The following ENOX2 variants were observed in gnomAD, a reference collection of about 807,000 sequenced individuals.
ENOX2 encodes the protein ecto-NOX disulfide-thiol exchanger 2.
Under a neutral mutation model 45.0 loss-of-function variants are expected in ENOX2, and 36 were observed. That is an observed-to-expected ratio of 0.80 (90% CI 0.61 to 1.06). The LOEUF is 1.06. Ranked by LOEUF, ENOX2 falls within the 50% of genes least tolerant of loss-of-function variation. The pLI is 0.00. For missense variants in ENOX2, 423 were observed against 462.5 expected (o/e 0.91, Z 0.78); for synonymous variants, 174 against 152.3 (o/e 1.14, Z -1.05).
intron 2 of ENOX2, among the ~76,000 whole-genome samples, chrX:130,809,527 C>A (rs1312022188): frequency 9.0e-6 from 1 of 111,460 alleles, no homozygotes; most frequent in Non-Finnish European, 1.9e-5. Flanking sequence ...TTATTCTCCC[C>A]AAAGTAAGCT....
intron 5 of ENOX2, among the ~76,000 whole-genome samples, chrX:130,687,974 A>C (rs2037490554): frequency 8.9e-6 from 1 of 112,050 alleles, no homozygotes; most frequent in South Asian, 3.7e-4. Context: ...TATCCTGATA[A>C]GGCAAGGTCA....
intron 3 of ENOX2, among the ~76,000 whole-genome samples, chrX:130,725,503 G>A (rs963544446): frequency 9.2e-6 from 1 of 108,718 alleles, no homozygotes; most frequent in African/African-American, 3.4e-5. Flanking sequence ...TCCCATATCC[G>A]GGTCCCTGGG....
At position 130,676,948 on chromosome X, in the gene ENOX2, C is replaced by G. The variant is rs192440565; in HGVS notation, c.460+2594G>C. ...TATTACCTGAGGAGTAAAGACCCAA[C>G]TGTTAAGCCTTTTGGAGTGTGCTAA... On this transcript the variant is annotated intron_variant, in intron 6 of 14. Transcript: ENST00000394363. Among the ~76,000 whole-genome samples, 265 of 111,956 alleles carry G rather than the reference C, an allele frequency of 2.4e-3. 2 individuals carry two copies. The highest frequency in any genetic ancestry group is 3.5e-3 in the Non-Finnish European group (187 of 53,174).
chrX:130,700,316 T>G (rs5977351), intron 4 of ENOX2, among the ~76,000 whole-genome samples: 8,968 of 112,197 alleles, frequency 0.08, 840 homozygotes, highest in African/African-American at 0.27. Context: ...GGGAACTATT[T>G]AACTAATACC....
intron 2 of ENOX2, among the ~76,000 whole-genome samples, chrX:130,863,683 T>G (rs889882999): frequency 2.5e-4 from 28 of 112,416 alleles, no homozygotes; most frequent in Non-Finnish European, 7.5e-5. Flanking sequence ...AAATTACCAT[T>G]CTACAAAAAT....
intron 2 of ENOX2, among the ~76,000 whole-genome samples, chrX:130,831,534 C>A (rs1255164695): frequency 9.0e-6 from 1 of 111,081 alleles, no homozygotes; most frequent in Admixed American, 9.6e-5. Context: ...CGCAATACAA[C>A]CACTCATCTC....
At chrX:130,643,859 A>G (rs937413373) in intron 10 of ENOX2, among the ~76,000 whole-genome samples, 5 of 112,065 alleles carry the variant, frequency 4.5e-5, no homozygotes, top group Non-Finnish European at 9.4e-5. Context: ...TGTATAGACT[A>G]TTTCATCTAA....
intron 10 of ENOX2, among the ~76,000 whole-genome samples, chrX:130,644,846 C>T (rs1415485934): frequency 1.8e-5 from 2 of 111,245 alleles, no homozygotes; most frequent in African/African-American, 6.5e-5. Context: ...TTTTTCAAAA[C>T]CCAAAGAACA....
intron 4 of ENOX2, among the ~76,000 whole-genome samples, chrX:130,699,872 T>G (rs1386039726): frequency 1.8e-5 from 2 of 112,388 alleles, no homozygotes; most frequent in Non-Finnish European, 3.8e-5. Context: ...AAGGTAAAGA[T>G]GAGTCATAAT....
chrX:130,872,502 C>A (rs1271792476), intron 2 of ENOX2, among the ~76,000 whole-genome samples: 1 of 111,903 alleles, frequency 8.9e-6, no homozygotes, highest in Non-Finnish European at 1.9e-5. Context: ...TATTACTTAC[C>A]TTCATTCCTA....
At chrX:130,686,799 A>G (rs2037460003) in intron 5 of ENOX2, among the ~76,000 whole-genome samples, 2 of 112,190 alleles carry the variant, frequency 1.8e-5, no homozygotes, top group South Asian at 7.5e-4. Flanking sequence ...AACAAAACTC[A>G]AGTTCTAAAA....
At chrX:130,898,524 T>C (rs950714345) in intron 2 of ENOX2, among the ~76,000 whole-genome samples, 12 of 110,202 alleles carry the variant, frequency 1.1e-4, no homozygotes, top group Non-Finnish European at 1.7e-4. Flanking sequence ...GTGTGTATTA[T>C]GTATATGTTT....
At chrX:130,844,191 T>C (rs1188789193) in intron 2 of ENOX2, among the ~76,000 whole-genome samples, 1 of 111,605 alleles carries the variant, frequency 9.0e-6, no homozygotes, top group Non-Finnish European at 1.9e-5. Context: ...CTGTATAATC[T>C]CTTATGGCTT....
intron 3 of ENOX2, among the ~76,000 whole-genome samples, chrX:130,723,758 G>A (rs918413909): frequency 9.0e-6 from 1 of 111,442 alleles, no homozygotes; most frequent in Admixed American, 9.5e-5. Flanking sequence ...TTTCCACTCC[G>A]GATGTTCTCT....
At chrX:130,700,584 C>G (rs917288814) in intron 4 of ENOX2, among the ~76,000 whole-genome samples, 1 of 112,080 alleles carries the variant, frequency 8.9e-6, no homozygotes, top group African/African-American at 3.2e-5. Flanking sequence ...CAAATACTTT[C>G]AATTTAAGTG....
rs978555991 is a variant in ENOX2 at position 130,786,422 on chromosome X, C to T, written c.-182-2732G>A. 4.7e-5 allele frequency among the ~76,000 whole-genome samples: 5 copies of T among 106,360 alleles called. No individual in the cohort carries two copies. The East Asian group carries it at 1.5e-3, about 32-fold the overall frequency. 92.4% of individuals were successfully genotyped at this position (106,360 alleles called of 115,157 possible). On this transcript the variant is annotated intron_variant, in intron 2 of 14. Coordinates refer to ENST00000394363, the MANE Select transcript of ENOX2 (RefSeq NM_006375.4). ...TTCTTTTATTATTATTATTATTATA[C>T]TTTAAGTTTTAGGGTACATGTGCAC... is the stretch of plus-strand genomic sequence containing the variant.
At chrX:130,833,640 C>A (rs1394236128) in intron 2 of ENOX2, among the ~76,000 whole-genome samples, 2 of 111,115 alleles carry the variant, frequency 1.8e-5, no homozygotes, top group Non-Finnish European at 3.8e-5. Flanking sequence ...CATAGTACAT[C>A]TAAGGATTCA....
At chrX:130,724,679 T>C (rs2038564811) in intron 3 of ENOX2, among the ~76,000 whole-genome samples, 1 of 112,305 alleles carries the variant, frequency 8.9e-6, no homozygotes, top group Non-Finnish European at 1.9e-5. Flanking sequence ...AGTTACAGGC[T>C]TCTCCATTTT....
chrX:130,862,333 C>T (rs2078421830), intron 2 of ENOX2, among the ~76,000 whole-genome samples: 1 of 110,896 alleles, frequency 9.0e-6, no homozygotes, highest in African/African-American at 3.3e-5. Flanking sequence ...ATGCTCTTCC[C>T]CCAGATAGCC....
Sources: gnomAD v4.1 joint callset for allele counts (sites outside exome capture counted in the v4.1 genomes callset) on GRCh38, gnomAD v4.1.1 for gene constraint, MANE v1.5 for transcripts, NCBI Gene and HGNC (gene_info 2026-07-23, HGNC 2026-07-21) for gene names.